The following SEPTIN14 variants were observed in gnomAD, a reference collection of about 807,000 sequenced individuals.
SEPTIN14 encodes the protein septin 14.
Under a neutral mutation model 53.6 loss-of-function variants are expected in SEPTIN14, and 40 were observed. The observed-to-expected ratio is 0.75, with a 90% CI of 0.58 to 0.97. The LOEUF (loss-of-function observed/expected upper bound fraction) is 0.97, where lower values mean the gene tolerates loss of function less well. Ranked by LOEUF, SEPTIN14 falls within the 50% of genes least tolerant of loss-of-function variation. The pLI, the probability that SEPTIN14 is intolerant of heterozygous loss-of-function variation, is 0.00. For synonymous variants in SEPTIN14, 138 were observed against 166.8 expected, an observed-to-expected ratio of 0.83 and a Z score of 1.33; for missense variants, 471 against 508.2, an observed-to-expected ratio of 0.93 and a Z score of 0.70.
At chr7:55,842,889 CAG>C in intron 5 of SEPTIN14, 51 bp downstream of exon 5, 1 of 1,223,552 alleles carries the variant, frequency 8.2e-7, no homozygotes, top group Non-Finnish European at 1.1e-6. Flanking sequence ...GCCTGGGCGA[CAG>C]AGGGAGACTC....
chr7:55,802,161 C>T (rs1174600152), intron 9 of SEPTIN14, among the ~76,000 whole-genome samples: 4 of 151,910 alleles, frequency 2.6e-5, no homozygotes, highest in South Asian at 2.1e-4. Flanking sequence ...CACACCACCA[C>T]GCCCGGCTAA....
chr7:55,857,517 G>GGGAAGGGAAA (rs1395788337), intron 2 of SEPTIN14, among the ~76,000 whole-genome samples: 25 of 111,074 alleles, frequency 2.3e-4, no homozygotes, highest in Non-Finnish European at 3.9e-4. Context: ...GGGAAGGGAA[G>GGGAAGGGAAA]GGAAAGGAAA....
chr7:55,811,178 G>A, intron 7 of SEPTIN14: 1 of 511,322 alleles, frequency 2.0e-6, no homozygotes, highest in Admixed American at 2.2e-5. Context: ...TTCCTCCAAG[G>A]GAGAAGTAGT....
intron 6 of SEPTIN14, among the ~76,000 whole-genome samples, chr7:55,833,424 T>C (rs1312141712): frequency 6.6e-6 from 1 of 151,174 alleles, no homozygotes; most frequent in African/African-American, 2.4e-5. Flanking sequence ...ATAAATGAAA[T>C]AGAGAATAAA....
intron 5 of SEPTIN14, among the ~76,000 whole-genome samples, chr7:55,837,123 T>TGA (rs1239306941): frequency 3.8e-4 from 57 of 148,876 alleles, no homozygotes; most frequent in African/African-American, 1.3e-3. Flanking sequence ...TTTTTTTTTT[T>TGA]GAGAGAGAGA....
intron 3 of SEPTIN14, 58 bp downstream of exon 3, chr7:55,846,459 T>C: frequency 7.5e-7 from 1 of 1,334,272 alleles, no homozygotes; most frequent in South Asian, 1.4e-5. Context: ...TTAAGATAAG[T>C]TGAAATGAAC....
intron 5 of SEPTIN14, among the ~76,000 whole-genome samples, chr7:55,836,155 T>C (rs1192018690): frequency 6.6e-6 from 1 of 152,176 alleles, no homozygotes; most frequent in Non-Finnish European, 1.5e-5. Flanking sequence ...AAAGACATAA[T>C]TTCCACATTG....
intron 7 of SEPTIN14, among the ~76,000 whole-genome samples, chr7:55,812,932 T>G (rs532335167): frequency 2.7e-5 from 4 of 150,932 alleles, no homozygotes; most frequent in African/African-American, 9.7e-5. Flanking sequence ...GGCAGAATTC[T>G]GCTAGTGCCC....
chr7:55,826,057 G>C (rs184574402), intron 6 of SEPTIN14, among the ~76,000 whole-genome samples: 2 of 150,458 alleles, frequency 1.3e-5, no homozygotes, highest in South Asian at 2.1e-4. Context: ...AGCCGAGATC[G>C]AGCCACTGCA....
intron 7 of SEPTIN14, among the ~76,000 whole-genome samples, chr7:55,811,788 C>T (rs888506905): frequency 4.0e-5 from 6 of 150,768 alleles, no homozygotes; most frequent in Admixed American, 6.6e-5. Context: ...TGTGAGCCAC[C>T]GCACCCAGCA....
chr7:55,795,984 T>C lies in SEPTIN14; in HGVS notation c.1228A>G (p.Lys410Glu), dbSNP rs773703946. ...GTCTGCAGTGCTTCGGAGGCAGCTT[T>C]CATTTTATAAAAATCTATGATTTCT... Reference protein sequence around the residue: ...EGEIIDFYKMKAASEALQTQL... With the variant: ...EGEIIDFYKMEAASEALQTQL... The change falls in exon 10 of 10, where the codon AAA becomes GAA. Residue 410 changes from lysine (K) to glutamate (E), a missense_variant. Physicochemically the swap from Lys to Glu is moderately conservative, Grantham distance 56. Transcript: ENST00000388975. 1.3e-6 allele frequency: 2 copies of C among 1,589,210 alleles called. No individual in the cohort carries two copies. Among genetic ancestry groups the C allele is most frequent in the Admixed American group, 3.3e-5 (2 of 59,950 alleles).
At chr7:55,833,197 C>A (rs982958138) in intron 6 of SEPTIN14, among the ~76,000 whole-genome samples, 30 of 151,968 alleles carry the variant, frequency 2.0e-4, no homozygotes, top group Non-Finnish European at 3.5e-4. Flanking sequence ...CGCCTGTAGT[C>A]CCAGCTACTC....
Position 55,795,882 on chromosome 7 carries a change from G to A in SEPTIN14, c.*31C>T. 1 of 1,481,824 alleles carries A rather than the reference G, an allele frequency of 6.7e-7. No individual in the cohort carries two copies. The highest frequency in any genetic ancestry group is 9.3e-7 in the Non-Finnish European group (1 of 1,077,392). 91.8% of individuals were successfully genotyped at this position (1,481,824 alleles called of 1,614,324 possible). On this transcript the variant is annotated 3_prime_UTR_variant, in exon 10 of 10. Coordinates refer to ENST00000388975, the MANE Select transcript of SEPTIN14 (RefSeq NM_207366.3). ...CTCACAGGAAGTTGCGATGTAGAAT[G>A]ATAGGGCTCTCAGAATAGTAAGAGA...
chr7:55,836,440 T>C (rs893717041), intron 5 of SEPTIN14, among the ~76,000 whole-genome samples: 1 of 152,138 alleles, frequency 6.6e-6, no homozygotes, highest in Non-Finnish European at 1.5e-5. Context: ...ACACGTTTTT[T>C]AAAAAATCCA....
chr7:55,814,833 C>T (rs1788764727), intron 7 of SEPTIN14, among the ~76,000 whole-genome samples: 1 of 152,014 alleles, frequency 6.6e-6, no homozygotes, highest in Non-Finnish European at 1.5e-5. Context: ...CACAAAAATA[C>T]TTAAAGCAAT....
intron 6 of SEPTIN14, among the ~76,000 whole-genome samples, chr7:55,820,010 GT>G (rs1033702704): frequency 6.6e-6 from 1 of 151,854 alleles, no homozygotes; most frequent in Admixed American, 6.6e-5. Context: ...AATTATGTTT[GT>G]TTTTTTGAGA....
intron 5 of SEPTIN14, among the ~76,000 whole-genome samples, chr7:55,835,211 T>G (rs1034842177): frequency 6.6e-6 from 1 of 151,928 alleles, no homozygotes; most frequent in Non-Finnish European, 1.5e-5. Context: ...ATTTATTTAT[T>G]TATTTTTCAG....
intron 2 of SEPTIN14, among the ~76,000 whole-genome samples, chr7:55,858,004 T>C (rs1789675108): frequency 6.6e-6 from 1 of 152,122 alleles, no homozygotes; most frequent in Admixed American, 6.6e-5. Flanking sequence ...AAAATATCTC[T>C]CTCAAGTTAC....
intron 7 of SEPTIN14, among the ~76,000 whole-genome samples, chr7:55,810,268 T>G (rs1788678129): frequency 6.6e-6 from 1 of 152,158 alleles, no homozygotes; most frequent in Non-Finnish European, 1.5e-5. Context: ...TTTTGAGAAA[T>G]GCCTGTTCAG....
Sources: gnomAD v4.1 joint callset for allele counts (sites outside exome capture counted in the v4.1 genomes callset) on GRCh38, gnomAD v4.1.1 for gene constraint, MANE v1.5 for transcripts, NCBI Gene and HGNC (gene_info 2026-07-23, HGNC 2026-07-21) for gene names.